CCDC91: variants seen among roughly 807,000 people sequenced by gnomAD.
CCDC91 encodes coiled-coil domain-containing protein 91.
CCDC91 carries 48 observed loss-of-function variants against 63.2 expected under a neutral mutation model. The ratio of observed to expected loss-of-function variants is 0.76; its 90% confidence interval spans 0.60 to 0.97. CCDC91 has a LOEUF of 0.97. CCDC91 is among the 50% of genes least tolerant of loss of function. The pLI is 0.00. For synonymous variants in CCDC91, 167 were observed against 165.8 expected, an observed-to-expected ratio of 1.01 and a Z score of -0.06; for missense variants, 500 against 494.6, an observed-to-expected ratio of 1.01 and a Z score of -0.10.
chr12:28,231,611 G>A (rs192948381), intron 1 of CCDC91, among the ~76,000 whole-genome samples: 13 of 152,146 alleles, frequency 8.5e-5, no homozygotes. Context: ...CTTTATAATT[G>A]GGTAATTTTA....
chr12:28,481,101 T>C (rs1024462620), intron 11 of CCDC91, among the ~76,000 whole-genome samples: 6 of 152,062 alleles, frequency 3.9e-5, no homozygotes, highest in African/African-American at 1.4e-4. Context: ...TATGGAACTT[T>C]CTCCACATTT....
intron 8 of CCDC91, among the ~76,000 whole-genome samples, chr12:28,449,438 G>T (rs577553504): frequency 5.2e-4 from 79 of 152,122 alleles, no homozygotes; most frequent in Middle Eastern, 6.8e-3. Flanking sequence ...TTCTGGAACA[G>T]TATTTGCCTC....
chr12:28,532,650 G>A (rs1941835832), intron 12 of CCDC91, among the ~76,000 whole-genome samples: 1 of 151,996 alleles, frequency 6.6e-6, no homozygotes, highest in Non-Finnish European at 1.5e-5. Flanking sequence ...ATCAGAAAGA[G>A]TAACTGTTCG....
intron 6 of CCDC91, among the ~76,000 whole-genome samples, chr12:28,358,257 A>G (rs1367436520): frequency 6.6e-6 from 1 of 152,188 alleles, no homozygotes; most frequent in Non-Finnish European, 1.5e-5. Flanking sequence ...TCAGTCATTC[A>G]ACAGACATCT....
intron 6 of CCDC91, among the ~76,000 whole-genome samples, chr12:28,343,449 C>A (rs1210394268): frequency 6.6e-6 from 1 of 151,868 alleles, no homozygotes; most frequent in East Asian, 1.9e-4. Flanking sequence ...CTTTTCCTTA[C>A]CAACTCAAGG....
chr12:28,228,406 A>G (rs1944403685), intron 1 of CCDC91, among the ~76,000 whole-genome samples: 1 of 152,094 alleles, frequency 6.6e-6, no homozygotes, highest in Non-Finnish European at 1.5e-5. Context: ...ATATCCAAGG[A>G]CATAAGGACT....
chr12:28,446,937 C>A (rs1448722955), intron 8 of CCDC91, among the ~76,000 whole-genome samples: 1 of 152,162 alleles, frequency 6.6e-6, no homozygotes, highest in Non-Finnish European at 1.5e-5. Context: ...AAGAGTGGAA[C>A]AATTTCATTG....
At chr12:28,489,462 G>T (rs1267156644) in intron 12 of CCDC91, among the ~76,000 whole-genome samples, 1 of 151,856 alleles carries the variant, frequency 6.6e-6, no homozygotes, top group Non-Finnish European at 1.5e-5. Context: ...AGTTAAGACT[G>T]TTACACATGA....
At chr12:28,194,861 G>A (rs1370521751) in intron 1 of CCDC91, among the ~76,000 whole-genome samples, 1 of 149,986 alleles carries the variant, frequency 6.7e-6, no homozygotes, top group South Asian at 2.1e-4. Flanking sequence ...GGAGTTGTTC[G>A]TTCTTCCTGG....
At chr12:28,391,702 C>T (rs754636207) in intron 8 of CCDC91, among the ~76,000 whole-genome samples, 12 of 151,958 alleles carry the variant, frequency 7.9e-5, no homozygotes, top group Middle Eastern at 3.2e-3. Context: ...TGCATTATGG[C>T]GAGTAAATGA....
intron 11 of CCDC91, among the ~76,000 whole-genome samples, chr12:28,460,696 GA>G (rs1471108305): frequency 2.8e-5 from 4 of 141,854 alleles, no homozygotes; most frequent in East Asian, 3.9e-4. Flanking sequence ...GCCTTGAAAA[GA>G]AAAAAAGATA....
intron 12 of CCDC91, among the ~76,000 whole-genome samples, chr12:28,512,533 G>T (rs1478456173): frequency 2.0e-5 from 3 of 151,850 alleles, no homozygotes; most frequent in African/African-American, 7.2e-5. Flanking sequence ...CAGTTTGCCC[G>T]GTGTTTTCTT....
At chr12:28,496,967 A>AT (rs894646254) in intron 12 of CCDC91, among the ~76,000 whole-genome samples, 2 of 146,044 alleles carry the variant, frequency 1.4e-5, no homozygotes, top group East Asian at 2.0e-4. Context: ...TATATGTAGG[A>AT]TTTTTTGTAA....
In CCDC91 at chr12:28,435,431, A is replaced by G. The variant is rs569254066; in HGVS notation, c.763-14730A>G. 2.6e-5 allele frequency among the ~76,000 whole-genome samples: 4 copies of G among 151,808 alleles called. No homozygotes were observed. The East Asian group carries it at 5.8e-4, about 22-fold the overall frequency. On this transcript the variant is annotated intron_variant, in intron 8 of 12. Transcript: ENST00000536442. Reference sequence around the variant, plus strand: ...ATTTTTCAGCTATCCTACATCTATAACTATCCTAATTTCTACTTGAATTCC... The same window carrying G: ...ATTTTTCAGCTATCCTACATCTATAGCTATCCTAATTTCTACTTGAATTCC...
At chr12:28,287,052 G>C (rs1261005896) in intron 3 of CCDC91, among the ~76,000 whole-genome samples, 1 of 151,734 alleles carries the variant, frequency 6.6e-6, no homozygotes, top group Non-Finnish European at 1.5e-5. Context: ...AGTTTTTAAT[G>C]GGGCTGTTTT....
At chr12:28,192,758 T>TA (rs996860542) in intron 1 of CCDC91, among the ~76,000 whole-genome samples, 10 of 152,218 alleles carry the variant, frequency 6.6e-5, no homozygotes, top group South Asian at 2.1e-4. Flanking sequence ...TTGCTTTTTT[T>TA]AAAAAAAATC....
chr12:28,488,917 A>G (rs1390159522), intron 12 of CCDC91, among the ~76,000 whole-genome samples: 1 of 151,910 alleles, frequency 6.6e-6, no homozygotes, highest in Non-Finnish European at 1.5e-5. Flanking sequence ...ACTGCAACTC[A>G]TGGGTCAAAT....
intron 6 of CCDC91, among the ~76,000 whole-genome samples, chr12:28,326,943 T>G (rs1386727958): frequency 1.3e-5 from 2 of 152,042 alleles, no homozygotes; most frequent in African/African-American, 4.8e-5. Context: ...GGCTCACAAA[T>G]CAACTTCTCA....
chr12:28,274,388 G>C (rs1420996830), intron 3 of CCDC91, among the ~76,000 whole-genome samples: 3 of 152,118 alleles, frequency 2.0e-5, no homozygotes, highest in Admixed American at 2.0e-4. Flanking sequence ...AAAGTCATTG[G>C]TACCTTGATG....
Sources: gnomAD v4.1 joint callset for allele counts (sites outside exome capture counted in the v4.1 genomes callset) on GRCh38, gnomAD v4.1.1 for gene constraint, MANE v1.5 for transcripts, NCBI Gene and HGNC (gene_info 2026-07-23, HGNC 2026-07-21) for gene names.